The following GRIK2 variants were observed in gnomAD, a reference collection of about 807,000 sequenced individuals.
The protein encoded by GRIK2 is glutamate ionotropic receptor kainate type subunit 2.
A neutral mutation model predicts 100.3 loss-of-function variants in GRIK2; 32 were observed. The ratio of observed to expected loss-of-function variants is 0.32; its 90% CI spans 0.24 to 0.43. GRIK2 has a LOEUF of 0.43. Among genes scored for constraint, GRIK2 ranks in the 20% least tolerant of loss-of-function variants. The probability of loss-of-function intolerance (pLI) is 1.00; values close to 1 mark genes in which losing one functional copy is unlikely to be tolerated. For missense variants in GRIK2, 843 were observed against 1,114.9 expected, an observed-to-expected ratio of 0.76 and a Z score of 3.47; for synonymous variants, 417 against 389.4, an observed-to-expected ratio of 1.07 and a Z score of -0.83.
Position 102,069,212 on chromosome 6 carries a change from T to C in GRIK2, c.*701T>C, listed in dbSNP as rs1262495363. Reference sequence around the variant, plus strand: ...TCAAGGAAATAATGTTTTCTTAAGTTCCCTAAGGCAGAAGATTTAACATGC... The same window carrying C: ...TCAAGGAAATAATGTTTTCTTAAGTCCCCTAAGGCAGAAGATTTAACATGC... On this transcript the variant is annotated 3_prime_UTR_variant, in exon 17 of 17. Transcript: ENST00000369134. The C allele has an allele frequency of 6.7e-6, 1 of 148,866 alleles. No individual in the cohort carries two copies. The highest frequency in any genetic ancestry group is 1.5e-5 in the Non-Finnish European group (1 of 67,286). The allele number at this position is 148,866 out of a possible 1,614,324, so 9.2% of individuals were successfully genotyped here. A position where few individuals can be genotyped will look rare whatever the true frequency, so the allele number is the denominator to read the frequency against.
At chr6:101,487,350 T>C (rs1290134412) in intron 2 of GRIK2, among the ~76,000 whole-genome samples, 1 of 146,450 alleles carries the variant, frequency 6.8e-6, no homozygotes. Context: ...GCCTTACAAA[T>C]GTGTGCAAAT....
chr6:102,049,831 G>T (rs879047958), intron 15 of GRIK2, among the ~76,000 whole-genome samples: 1 of 152,088 alleles, frequency 6.6e-6, no homozygotes, highest in African/African-American at 2.4e-5. Context: ...CATTTGAAAG[G>T]CTGAATGAGA....
chr6:101,847,618 G>C (rs1178015946), intron 10 of GRIK2, among the ~76,000 whole-genome samples: 1 of 152,014 alleles, frequency 6.6e-6, no homozygotes, highest in African/African-American at 2.4e-5. Context: ...TTTGTAGTTT[G>C]GTTGTATATT....
intron 16 of GRIK2, chr6:102,065,821 GACT>G (rs765647153): frequency 9.2e-6 from 14 of 1,517,098 alleles, no homozygotes. Context: ...GTTACCTCAA[GACT>G]ATGTATTCCT....
At chr6:101,476,440 G>C (rs192727337) in intron 2 of GRIK2, among the ~76,000 whole-genome samples, 1 of 152,026 alleles carries the variant, frequency 6.6e-6, no homozygotes, top group Admixed American at 6.6e-5. Context: ...CTTTTCAAAC[G>C]GACAGCTAGC....
chr6:101,485,220 T>G (rs945007407), intron 2 of GRIK2, among the ~76,000 whole-genome samples: 3 of 152,194 alleles, frequency 2.0e-5, no homozygotes, highest in African/African-American at 7.2e-5. Context: ...GGTAACTCAG[T>G]TTCTTCACTT....
chr6:101,459,680 C>A (rs183651263), intron 2 of GRIK2, among the ~76,000 whole-genome samples: 5 of 152,152 alleles, frequency 3.3e-5, no homozygotes, highest in African/African-American at 9.6e-5. Context: ...TGGTGGCTAA[C>A]GAATGAGTAC....
intron 2 of GRIK2, among the ~76,000 whole-genome samples, chr6:101,428,846 A>G (rs754212710): frequency 6.6e-6 from 1 of 152,150 alleles, no homozygotes; most frequent in Admixed American, 6.5e-5. Flanking sequence ...TTCTGCTCAC[A>G]TCCCTGTCTT....
At chr6:101,395,925 GAAA>G (rs369457774) in intron 1 of GRIK2, among the ~76,000 whole-genome samples, 2 of 151,738 alleles carry the variant, frequency 1.3e-5, no homozygotes, top group Non-Finnish European at 2.9e-5. Flanking sequence ...TTAAAATGAG[GAAA>G]AAAATGAGAC....
chr6:101,414,489 C>T (rs1355451506), intron 2 of GRIK2, among the ~76,000 whole-genome samples: 4 of 151,914 alleles, frequency 2.6e-5, no homozygotes, highest in African/African-American at 7.3e-5. Flanking sequence ...ACAGATCCCC[C>T]CTGGAAGTCC....
chr6:101,451,649 C>A (rs890775456), intron 2 of GRIK2, among the ~76,000 whole-genome samples: 1 of 148,686 alleles, frequency 6.7e-6, no homozygotes, highest in Admixed American at 6.8e-5. Flanking sequence ...ATTTTGTGAA[C>A]CTGAACAAAT....
chr6:101,938,205 T>C (rs1170865812), intron 14 of GRIK2, among the ~76,000 whole-genome samples: 1 of 152,104 alleles, frequency 6.6e-6, no homozygotes, highest in Non-Finnish European at 1.5e-5. Context: ...ATTAGACTCT[T>C]ATTTAAAGAT....
At chr6:102,014,612 C>T (rs1795733643) in intron 14 of GRIK2, among the ~76,000 whole-genome samples, 1 of 151,758 alleles carries the variant, frequency 6.6e-6, no homozygotes, top group Admixed American at 6.6e-5. Flanking sequence ...ATTCTGTGTC[C>T]CAGAAATTCT....
rs541034212 is a variant in GRIK2 at position 101,737,469 on chromosome 6, A to G, written c.951+51116A>G. ...ATCTTATGTGGATGGTGGCAGGCAAAAAGAGAGAGCTTGTGTAGGGAAACT... is the reference window on the plus strand; with the variant it reads ...ATCTTATGTGGATGGTGGCAGGCAAGAAGAGAGAGCTTGTGTAGGGAAACT... On this transcript the variant is annotated intron_variant, in intron 7 of 16. Transcript: ENST00000369134. Among the ~76,000 whole-genome samples, 18 of 152,300 alleles carry G rather than the reference A, an allele frequency of 1.2e-4. No homozygotes were observed. In the South Asian group the frequency reaches 3.5e-3, roughly 30 times the overall value.
intron 4 of GRIK2, among the ~76,000 whole-genome samples, chr6:101,661,430 C>G (rs1376831821): frequency 6.6e-6 from 1 of 152,068 alleles, no homozygotes; most frequent in Non-Finnish European, 1.5e-5. Flanking sequence ...GTGAGATACG[C>G]TGAGCTAGAC....
Position 101,449,560 on chromosome 6 carries a change from C to G in GRIK2, c.115+50168C>G, listed in dbSNP as rs543173860. Reference sequence around the variant, plus strand: ...ACAAGTAAACTTGTGTACTTTCATGCTTAGGTTTGATGAAGAAGTGGATAG... The same window carrying G: ...ACAAGTAAACTTGTGTACTTTCATGGTTAGGTTTGATGAAGAAGTGGATAG... On this transcript the variant is annotated intron_variant, in intron 2 of 16. Coordinates refer to ENST00000369134, the MANE Select transcript of GRIK2 (RefSeq NM_021956.5). Among the ~76,000 whole-genome samples the G allele has an allele frequency of 4.6e-5, 7 of 151,584 alleles. No homozygotes were observed. The South Asian group carries it at 1.4e-3, about 31-fold the overall frequency.
At chr6:101,917,386 C>T (rs1197007417) in intron 12 of GRIK2, among the ~76,000 whole-genome samples, 2 of 151,714 alleles carry the variant, frequency 1.3e-5, no homozygotes, top group Non-Finnish European at 3.0e-5. Context: ...TGAAAAAGCA[C>T]ATGGCTCATT....
chr6:101,735,214 T>G (rs1203833472), intron 7 of GRIK2, among the ~76,000 whole-genome samples: 1 of 152,104 alleles, frequency 6.6e-6, no homozygotes, highest in Non-Finnish European at 1.5e-5. Context: ...AGGTAGAGAA[T>G]GTAAAAAATG....
At chr6:101,907,802 G>C (rs1482005852) in intron 12 of GRIK2, among the ~76,000 whole-genome samples, 3 of 151,408 alleles carry the variant, frequency 2.0e-5, no homozygotes. Context: ...ATAAACTTTA[G>C]AGTTCTATCA....
Sources: gnomAD v4.1 joint callset for allele counts (sites outside exome capture counted in the v4.1 genomes callset) on GRCh38, gnomAD v4.1.1 for gene constraint, MANE v1.5 for transcripts, NCBI Gene and HGNC (gene_info 2026-07-23, HGNC 2026-07-21) for gene names.